The following INTS2 variants were observed in gnomAD, a reference collection of about 807,000 sequenced individuals.
INTS2 encodes integrator complex subunit 2.
In INTS2, 57 loss-of-function variants were observed where a neutral mutation model predicts 139.6. The observed-to-expected ratio is 0.41, with a 90% CI of 0.33 to 0.51. INTS2 has a LOEUF of 0.51. INTS2 is among the 20% of genes least tolerant of loss of function. INTS2 has a pLI of 0.28. For synonymous variants in INTS2, 473 were observed against 493.4 expected, an observed-to-expected ratio of 0.96 and a Z score of 0.55; for missense variants, 1,196 against 1,436.7, an observed-to-expected ratio of 0.83 and a Z score of 2.71.
intron 8 of INTS2, among the ~76,000 whole-genome samples, chr17:61,905,079 A>G (rs2079447276): frequency 6.6e-6 from 1 of 151,070 alleles, no homozygotes; most frequent in Non-Finnish European, 1.5e-5. Flanking sequence ...TCATGTAGCT[A>G]GGACCACAGG....
At chr17:61,895,979 C>T (rs1227114432) in intron 11 of INTS2, among the ~76,000 whole-genome samples, 1 of 152,028 alleles carries the variant, frequency 6.6e-6, no homozygotes, top group Non-Finnish European at 1.5e-5. Context: ...CAGTGGTTCA[C>T]GCCTGTAATC....
At chr17:61,911,423 C>A in intron 7 of INTS2, 97 bp downstream of exon 7, 1 of 1,035,036 alleles carries the variant, frequency 9.7e-7, no homozygotes, top group South Asian at 2.5e-5. Flanking sequence ...GTGTGAGAAC[C>A]ACTTGTCTAA....
rs771886464 is a variant in INTS2 at position 61,881,196 on chromosome 17, T to G, written c.2090-25A>C. ...CCTTGAAAATTTACAGAAAATCAAT[T>G]GGATTCTTCATGCTCAAACACCAGA... On this transcript the variant is annotated intron_variant, in intron 16 of 24. Coordinates refer to ENST00000251334, the MANE Select transcript of INTS2 (RefSeq NM_001351695.2). 1.9e-6 allele frequency: 3 copies of G among 1,593,076 alleles called. No individual in the cohort carries two copies. In the African/African-American group the frequency reaches 4.0e-5, roughly 21 times the overall value.
At chr17:61,926,764 C>T in intron 1 of INTS2, 102 bp from the exon 2 acceptor site, 1 of 886,790 alleles carries the variant, frequency 1.1e-6, no homozygotes, top group East Asian at 2.6e-5. Flanking sequence ...TTTAATAGGT[C>T]CCTATGTTGG....
At position 61,881,095 on chromosome 17, in the gene INTS2, T is replaced by C. The variant is rs756849815; in HGVS notation, c.2166A>G (p.Glu722=). 6 of 1,613,650 alleles carry C rather than the reference T, an allele frequency of 3.7e-6. No individual in the cohort carries two copies. In the South Asian group the frequency reaches 5.5e-5, roughly 15 times the overall value. Residue 722 remains glutamate (E), a synonymous_variant, in exon 17 of 25, where the codon GAA becomes GAG. Transcript: ENST00000251334. The part of the protein sequence containing the change: ...HLCIVDDWIC[E]EEITGTDALL... ...GGGCATCAGTCCCTGTGATTTCTTC[T>C]TCACAAATCCAGTCATCCACAATAC...
chr17:61,915,341 A>AAAATAAATAAATAAAT lies in INTS2; in HGVS notation c.650-3287_650-3272dup, dbSNP rs58856021. 2.1e-3 allele frequency among the ~76,000 whole-genome samples: 294 copies of AAAATAAATAAATAAAT among 141,392 alleles called. 3 individuals are homozygous for AAAATAAATAAATAAAT. The highest frequency in any genetic ancestry group is 7.5e-3 in the African/African-American group (277 of 36,994). The allele number at this position is 141,392 out of a possible 152,430, so 92.8% of individuals were successfully genotyped here. A position where few individuals can be genotyped will look rare whatever the true frequency, so the allele number is the denominator to read the frequency against. On this transcript the variant is annotated intron_variant, in intron 5 of 24. Transcript: ENST00000251334. Reference sequence around the variant, plus strand: ...TGACAGAGCAAGACTCCGTCTCAAAAAAATAAATAAATAAATAAATAAATA... The same window carrying AAAATAAATAAATAAAT: ...TGACAGAGCAAGACTCCGTCTCAAAAAAATAAATAAATAAATAAATAAATAAATAAATAAATAAATA...
chr17:61,915,896 C>T (rs1320101505), intron 5 of INTS2, among the ~76,000 whole-genome samples: 1 of 149,266 alleles, frequency 6.7e-6, no homozygotes, highest in East Asian at 2.0e-4. Flanking sequence ...TTGGAAGAAT[C>T]ATTATCTTTA....
At chr17:61,891,249 T>C (rs189499433) in intron 14 of INTS2, among the ~76,000 whole-genome samples, 1 of 151,210 alleles carries the variant, frequency 6.6e-6, no homozygotes, top group Admixed American at 6.6e-5. Flanking sequence ...GAGGAGGAGG[T>C]TGCAGTGAGC....
chr17:61,907,688 A>G (rs1301890914), intron 7 of INTS2, 54 bp from the exon 8 acceptor site: 2 of 1,421,776 alleles, frequency 1.4e-6, no homozygotes, highest in Non-Finnish European at 9.7e-7. Flanking sequence ...TTACTAAACT[A>G]AAAGGGAGCT....
chr17:61,904,134 C>T (rs2079436709), intron 9 of INTS2, among the ~76,000 whole-genome samples: 1 of 152,036 alleles, frequency 6.6e-6, no homozygotes. Context: ...TACTGATATC[C>T]TTATTTTAAA....
rs2079036834 is a variant in INTS2, at chr17:61,865,469, AC to A, written c.*2087del. On this transcript the variant is annotated 3_prime_UTR_variant, in exon 25 of 25. Transcript: ENST00000251334. The surrounding 1 kb of genome is among the most constrained non-coding windows in gnomAD (Gnocchi z 4.8). ...AAAACACATTGTGACAAATTTTATAACCTTAACTTAAAATACATGAATATTA... is the reference window on the plus strand; with the variant it reads ...AAAACACATTGTGACAAATTTTATAACTTAACTTAAAATACATGAATATTA... 1 of 152,800 alleles carries A rather than the reference AC, an allele frequency of 6.5e-6. No individual in the cohort carries two copies. Among genetic ancestry groups the A allele is most frequent in the African/African-American group, 2.4e-5 (1 of 41,582 alleles). The allele number at this position is 152,800 out of a possible 1,614,324, so 9.5% of individuals were successfully genotyped here. A position where few individuals can be genotyped will look rare whatever the true frequency, so the allele number is the denominator to read the frequency against.
At position 61,926,520 on chromosome 17, in the gene INTS2, A is replaced by G; in HGVS notation, c.125T>C (p.Val42Ala). ...PELRLLLPCL[V>A]RMALCAPADQ... Reference sequence around the variant, plus strand: ...AGCAGGTGCACAAAGTGCCATCCGTACCAAACAGGGCAGAAGAAGTCTTAA... The same window carrying G: ...AGCAGGTGCACAAAGTGCCATCCGTGCCAAACAGGGCAGAAGAAGTCTTAA... Residue 42 changes from valine to alanine, a missense_variant, in exon 2 of 25, where the codon GTA becomes GCA. Coordinates refer to ENST00000251334, the MANE Select transcript of INTS2 (RefSeq NM_001351695.2). The G allele has an allele frequency of 6.2e-7, 1 of 1,613,954 alleles. No homozygotes were observed. Among genetic ancestry groups the G allele is most frequent in the Non-Finnish European group, 8.5e-7 (1 of 1,179,840 alleles).
Position 61,897,768 on chromosome 17 carries a change from GT to G in INTS2, c.1308-30del. 1.4e-6 allele frequency: 2 copies of G among 1,443,504 alleles called. No homozygotes were observed. The allele number at this position is 1,443,504 out of a possible 1,614,324, so 89.4% of individuals were successfully genotyped here. A position where few individuals can be genotyped will look rare whatever the true frequency, so the allele number is the denominator to read the frequency against. The stretch of plus-strand genomic sequence containing the variant: ...TATAAAATATACCAGAATGTCACTG[GT>G]TTAAATTAGATATACTAGCATATGA... On this transcript the variant is annotated intron_variant, in intron 9 of 24. Transcript: ENST00000251334. The surrounding 1 kb of genome is among the most constrained non-coding windows in gnomAD (Gnocchi z 4.4).
chr17:61,869,383 A>G lies in INTS2; in HGVS notation c.3031-3T>C. 6.3e-7 allele frequency: 1 copy of G among 1,575,042 alleles called. No homozygotes were observed. Among genetic ancestry groups the G allele is most frequent in the Non-Finnish European group, 8.7e-7 (1 of 1,152,900 alleles). ...GGCAAAAGTTCACATGGATAACCCT[A>G]TCTCAACAAGAAACGGGAAAAAAGT... On this transcript the variant is annotated splice_region_variant and splice_polypyrimidine_tract_variant and intron_variant, in intron 21 of 24. Coordinates refer to ENST00000251334, the MANE Select transcript of INTS2 (RefSeq NM_001351695.2). The surrounding 1 kb of genome is among the most constrained non-coding windows in gnomAD (Gnocchi z 5.4).
Position 61,865,715 on chromosome 17 carries a change from AAAG to A in INTS2, c.*1839_*1841del, listed in dbSNP as rs2079039472. On this transcript the variant is annotated 3_prime_UTR_variant, in exon 25 of 25. Coordinates refer to ENST00000251334, the MANE Select transcript of INTS2 (RefSeq NM_001351695.2). The surrounding 1 kb of genome is among the most constrained non-coding windows in gnomAD (Gnocchi z 4.8). ...ATCGCAAGGCCTCAGTTTAAAAAAA[AAAG>A]GAGCAGTTGTATTTAATCTTAAGGG... 1 of 152,308 alleles carries A rather than the reference AAAG, an allele frequency of 6.6e-6. No homozygotes were observed. Among genetic ancestry groups the A allele is most frequent in the Non-Finnish European group, 1.5e-5 (1 of 68,026 alleles). 9.4% of individuals were successfully genotyped at this position (152,308 alleles called of 1,614,324 possible).
At chr17:61,913,410 A>T (rs2079547797) in intron 5 of INTS2, among the ~76,000 whole-genome samples, 1 of 151,978 alleles carries the variant, frequency 6.6e-6, no homozygotes, top group Admixed American at 6.5e-5. Flanking sequence ...CCAGAGGGAA[A>T]AAGAAACTTT....
In INTS2 at chr17:61,925,241, G is replaced by C. The variant is rs190278770; in HGVS notation, c.294-142C>G. The C allele has an allele frequency of 2.6e-4, 206 of 804,686 alleles. 2 individuals are homozygous for C. The East Asian group carries it at 5.2e-3, about 20-fold the overall frequency. The allele number at this position is 804,686 out of a possible 1,614,324, so 49.8% of individuals were successfully genotyped here. ...TCTGTTACTTCTGAAATGCTATTTA[G>C]TTTGCCTGTGTATTTCAGGGATTCA... On this transcript the variant is annotated intron_variant, in intron 2 of 24. Transcript: ENST00000251334.
At chr17:61,922,303 T>A (rs1012708495) in intron 3 of INTS2, among the ~76,000 whole-genome samples, 1 of 151,198 alleles carries the variant, frequency 6.6e-6, no homozygotes, top group Non-Finnish European at 1.5e-5. Context: ...AAACCCTGTC[T>A]CTACTAAAAA....
intron 11 of INTS2, among the ~76,000 whole-genome samples, chr17:61,895,648 T>C (rs1412001044): frequency 6.6e-6 from 1 of 152,118 alleles, no homozygotes; most frequent in Non-Finnish European, 1.5e-5. Flanking sequence ...GGAGCTAGGA[T>C]AGCTGCCCCT....
Sources: allele counts gnomAD v4.1 joint callset (sites outside exome capture counted in the v4.1 genomes callset), GRCh38; gene constraint gnomAD v4.1.1; non-coding constraint Gnocchi (gnomAD v3.1); transcripts MANE v1.5; gene names NCBI Gene and HGNC (gene_info 2026-07-23, HGNC 2026-07-21).